The following KCNAB1 variants were observed in gnomAD, a reference collection of about 807,000 sequenced individuals.
KCNAB1 encodes potassium voltage-gated channel subfamily A regulatory beta subunit 1, also known as voltage-gated potassium channel subunit beta-1.
KCNAB1 carries 35 observed loss-of-function variants against 64.6 expected under a neutral mutation model. That is an observed-to-expected ratio of 0.54 (90% CI 0.41 to 0.72). KCNAB1 has a LOEUF of 0.72. Among genes scored for constraint, KCNAB1 ranks in the 30% least tolerant of loss-of-function variants. The probability of loss-of-function intolerance (pLI) is 0.00; values close to 1 mark genes in which losing one functional copy is unlikely to be tolerated. For synonymous variants in KCNAB1, 177 were observed against 183.8 expected (o/e 0.96, Z 0.30); for missense variants, 401 against 512.9 (o/e 0.78, Z 2.11).
chr3:156,307,559 A>T (rs1721586786), intron 1 of KCNAB1, among the ~76,000 whole-genome samples: 1 of 152,106 alleles, frequency 6.6e-6, no homozygotes, highest in South Asian at 2.1e-4. Flanking sequence ...GTAAAAAGAA[A>T]ATCAAGGGCT....
chr3:156,467,108 C>A (rs1359280199), intron 7 of KCNAB1, among the ~76,000 whole-genome samples: 1 of 152,012 alleles, frequency 6.6e-6, no homozygotes, highest in African/African-American at 2.4e-5. Context: ...TTGGGTAAAA[C>A]CATCTAACAC....
intron 1 of KCNAB1, among the ~76,000 whole-genome samples, chr3:156,158,290 A>G (rs1313649844): frequency 2.2e-4 from 34 of 151,950 alleles, no homozygotes; most frequent in Non-Finnish European, 4.0e-4. Context: ...TTTAAGATAT[A>G]TGGTTTTGAA....
intron 1 of KCNAB1, among the ~76,000 whole-genome samples, chr3:156,323,688 G>A (rs535948939): frequency 6.6e-6 from 1 of 152,286 alleles, no homozygotes; most frequent in South Asian, 2.1e-4. Context: ...TGGGAGACGT[G>A]CTTTAGGAAC....
chr3:156,388,178 T>C (rs1337585728), intron 1 of KCNAB1, among the ~76,000 whole-genome samples: 2 of 152,186 alleles, frequency 1.3e-5, no homozygotes, highest in African/African-American at 4.8e-5. Flanking sequence ...TGGTAACCAG[T>C]GCCAGAACCC....
intron 2 of KCNAB1, among the ~76,000 whole-genome samples, chr3:156,441,640 T>C (rs1717011575): frequency 6.6e-6 from 1 of 152,108 alleles, no homozygotes; most frequent in Non-Finnish European, 1.5e-5. Flanking sequence ...ATGGAAGGTG[T>C]CTAATTTTAT....
chr3:156,241,053 C>T (rs1432486789), intron 1 of KCNAB1, among the ~76,000 whole-genome samples: 3 of 152,254 alleles, frequency 2.0e-5, no homozygotes, highest in African/African-American at 7.2e-5. Flanking sequence ...CTGAAGGCTG[C>T]TCCCAAGGGT....
At chr3:156,393,785 C>G (rs950590164) in intron 1 of KCNAB1, among the ~76,000 whole-genome samples, 5 of 152,184 alleles carry the variant, frequency 3.3e-5, no homozygotes, top group Non-Finnish European at 5.9e-5. Context: ...AATAAAATAG[C>G]TAAATCTAGT....
At chr3:156,242,404 A>T (rs1717211789) in intron 1 of KCNAB1, among the ~76,000 whole-genome samples, 1 of 152,136 alleles carries the variant, frequency 6.6e-6, no homozygotes, top group Non-Finnish European at 1.5e-5. Context: ...CCAGCAGTAC[A>T]CACTGAACCC....
intron 1 of KCNAB1, among the ~76,000 whole-genome samples, chr3:156,246,798 G>A (rs112049966): frequency 0.038 from 5,798 of 152,268 alleles, 138 homozygotes; most frequent in Non-Finnish European, 0.058. Context: ...GGTTTCATCT[G>A]CTGTATTTGA....
At chr3:156,337,381 T>C (rs1284963183) in intron 1 of KCNAB1, among the ~76,000 whole-genome samples, 1 of 152,196 alleles carries the variant, frequency 6.6e-6, no homozygotes, top group Non-Finnish European at 1.5e-5. Context: ...CATGTTCTTT[T>C]TTCCCCCCAC....
chr3:156,397,944 T>C (rs957035258), intron 1 of KCNAB1, among the ~76,000 whole-genome samples: 24 of 152,228 alleles, frequency 1.6e-4, no homozygotes, highest in African/African-American at 5.5e-4. Flanking sequence ...TGTACTATAG[T>C]AGATATTTTC....
At chr3:156,343,603 T>C (rs1724283410) in intron 1 of KCNAB1, among the ~76,000 whole-genome samples, 1 of 152,200 alleles carries the variant, frequency 6.6e-6, no homozygotes, top group Admixed American at 6.5e-5. Context: ...CAGTTCTCAC[T>C]GTAGCTGAGA....
At chr3:156,375,085 A>T (rs1353555948) in intron 1 of KCNAB1, among the ~76,000 whole-genome samples, 1 of 136,074 alleles carries the variant, frequency 7.3e-6, no homozygotes, top group East Asian at 1.9e-4. Flanking sequence ...GTTAAGGTAA[A>T]CGATGATAAA....
chr3:156,253,634 C>T (rs950799051), intron 1 of KCNAB1, among the ~76,000 whole-genome samples: 26 of 152,160 alleles, frequency 1.7e-4, no homozygotes, highest in Non-Finnish European at 1.5e-5. Flanking sequence ...TCTAAGCAGC[C>T]ATGTGTTTGA....
chr3:156,459,840 C>A lies in KCNAB1; in HGVS notation c.451C>A (p.Leu151Met). 6.2e-7 allele frequency: 1 copy of A among 1,610,182 alleles called. No homozygotes were observed. The highest frequency in any genetic ancestry group is 1.1e-5 in the South Asian group (1 of 90,828). ...VYAAGKAEVI[L>M]GSIIKKKGWR... Reference sequence around the variant, plus strand: ...TTCCCCTTCCAGGGCTGAAGTGATTCTGGGGAGCATCATCAAGAAGAAAGG... The same window carrying A: ...TTCCCCTTCCAGGGCTGAAGTGATTATGGGGAGCATCATCAAGAAGAAAGG... The change falls in exon 5 of 14, where the codon CTG (leucine) becomes ATG (methionine). Residue 151 changes from leucine to methionine, a missense_variant. Transcript: ENST00000490337.
chr3:156,253,701 C>T (rs1035547541), intron 1 of KCNAB1, among the ~76,000 whole-genome samples: 4 of 152,212 alleles, frequency 2.6e-5, no homozygotes, highest in African/African-American at 7.2e-5. Flanking sequence ...GTCTAAACCA[C>T]ATTGTTAATG....
intron 1 of KCNAB1, among the ~76,000 whole-genome samples, chr3:156,305,975 T>G (rs1473103589): frequency 6.6e-6 from 1 of 152,184 alleles, no homozygotes; most frequent in Non-Finnish European, 1.5e-5. Context: ...ATTCCTGAAC[T>G]TATCACTTGA....
intron 1 of KCNAB1, among the ~76,000 whole-genome samples, chr3:156,125,459 A>G (rs1713600811): frequency 6.6e-6 from 1 of 152,246 alleles, no homozygotes; most frequent in African/African-American, 2.4e-5. Flanking sequence ...TGACTTGGAG[A>G]TAGAATACAA....
At chr3:156,216,803 G>T (rs1049386712) in intron 1 of KCNAB1, 1 of 152,118 alleles carries the variant, frequency 6.6e-6, no homozygotes, top group African/African-American at 2.4e-5. Context: ...CAAAGAAATT[G>T]AGAAAATTGC....
Sources: allele counts gnomAD v4.1 joint callset (sites outside exome capture counted in the v4.1 genomes callset), GRCh38; gene constraint gnomAD v4.1.1; transcripts MANE v1.5; gene names NCBI Gene and HGNC (gene_info 2026-07-23, HGNC 2026-07-21).